The following PMS1 variants were observed in gnomAD, a reference collection of about 807,000 sequenced individuals.
The protein encoded by PMS1 is PMS1 protein homolog 1.
A neutral mutation model predicts 93.1 loss-of-function variants in PMS1; 79 were observed. The observed-to-expected ratio is 0.85, with a 90% CI of 0.71 to 1.02. The LOEUF (loss-of-function observed/expected upper bound fraction) is 1.02. PMS1 is among the 50% of genes least tolerant of loss of function. PMS1 has a pLI of 0.00. For synonymous variants in PMS1, 335 were observed against 363.4 expected (o/e 0.92, Z 0.89); for missense variants, 1,064 against 1,085.3 (o/e 0.98, Z 0.28).
At chr2:189,837,969 A>G (rs561626725) in intron 5 of PMS1, among the ~76,000 whole-genome samples, 43 of 152,288 alleles carry the variant, frequency 2.8e-4, no homozygotes, top group Middle Eastern at 3.4e-3. Context: ...TAAGTGGGCA[A>G]ATTTTATATA....
chr2:189,862,422 T>G (rs2056115626), intron 9 of PMS1, among the ~76,000 whole-genome samples: 1 of 152,190 alleles, frequency 6.6e-6, no homozygotes, highest in South Asian at 2.1e-4. Flanking sequence ...TTAAACCTGT[T>G]TTTAAGTGGT....
At chr2:189,855,211 C>T in intron 9 of PMS1, 83 bp downstream of exon 9, 1 of 1,166,288 alleles carries the variant, frequency 8.6e-7, no homozygotes, top group Non-Finnish European at 1.3e-6. Context: ...GAATTTTTTT[C>T]ACTTCTTATT....
At chr2:189,859,112 G>A (rs568038634) in intron 9 of PMS1, among the ~76,000 whole-genome samples, 1 of 152,242 alleles carries the variant, frequency 6.6e-6, no homozygotes, top group East Asian at 1.9e-4. Context: ...TTCTTAAAAA[G>A]TAATCTTTTA....
At chr2:189,862,153 A>G (rs1024241149) in intron 9 of PMS1, among the ~76,000 whole-genome samples, 7 of 152,088 alleles carry the variant, frequency 4.6e-5, no homozygotes, top group Admixed American at 2.0e-4. Context: ...GGTCACTGCA[A>G]TGCTTTTCCA....
At chr2:189,828,840 G>A (rs779815454) in intron 5 of PMS1, among the ~76,000 whole-genome samples, 10 of 147,392 alleles carry the variant, frequency 6.8e-5, no homozygotes, top group Non-Finnish European at 1.2e-4. Context: ...TCACTGATTG[G>A]TAAACAGTTT....
chr2:189,803,999 AAATT>A (rs2050119111), intron 3 of PMS1, among the ~76,000 whole-genome samples: 1 of 152,230 alleles, frequency 6.6e-6, no homozygotes, highest in African/African-American at 2.4e-5. Context: ...AAGGATGAGC[AAATT>A]AATATCTTGT....
rs5742964 is a variant in PMS1, at chr2:189,788,667, A to G, written c.-20-3123A>G. ...TTTTTAAAAGGTTAGTTTTAATAAT[A>G]TATTTTATGTAATCTAGTGTATCCA... On this transcript the variant is annotated intron_variant, in intron 1 of 12. Coordinates refer to ENST00000441310, the MANE Select transcript of PMS1 (RefSeq NM_000534.5). Among the ~76,000 whole-genome samples the G allele has an allele frequency of 8.4e-4, 128 of 152,226 alleles. 4 individuals carry two copies. In the South Asian group the frequency reaches 0.026, roughly 31 times the overall value.
At chr2:189,863,653 A>G in intron 9 of PMS1, 90 bp from the exon 10 acceptor site, 1 of 948,030 alleles carries the variant, frequency 1.1e-6, no homozygotes, top group Non-Finnish European at 1.7e-6. Context: ...TATCTGGAAC[A>G]CCAGTACTTT....
intron 11 of PMS1, among the ~76,000 whole-genome samples, chr2:189,872,386 T>A (rs1237471460): frequency 1.3e-5 from 2 of 152,146 alleles, no homozygotes; most frequent in Non-Finnish European, 2.9e-5. Flanking sequence ...TCTCTTTTTT[T>A]AAATTAATCC....
intron 6 of PMS1, among the ~76,000 whole-genome samples, chr2:189,847,261 CT>C (rs1459841133): frequency 6.6e-6 from 1 of 152,080 alleles, no homozygotes; most frequent in African/African-American, 2.4e-5. Context: ...TGATGTGGAT[CT>C]TTTGAATCTG....
intron 1 of PMS1, among the ~76,000 whole-genome samples, chr2:189,784,932 C>T (rs1218796418): frequency 6.6e-6 from 1 of 152,216 alleles, no homozygotes; most frequent in Non-Finnish European, 1.5e-5. Flanking sequence ...TATCCTGTGG[C>T]ATCATACAAG....
At chr2:189,799,881 T>A (rs1020491195) in intron 3 of PMS1, among the ~76,000 whole-genome samples, 1 of 152,204 alleles carries the variant, frequency 6.6e-6, no homozygotes. Flanking sequence ...TGCCCACTGG[T>A]GATCATCCCA....
chr2:189,857,464 C>CT (rs2106475801), intron 9 of PMS1: 1 of 469,464 alleles, frequency 2.1e-6, no homozygotes, highest in East Asian at 7.0e-5. Flanking sequence ...CTCTTCCTGT[C>CT]TTTATCTTGG....
rs187203264 is a variant in PMS1 at position 189,825,779 on chromosome 2, A to G, written c.582+7599A>G. ...TGAATTAAAGAATGTTTTCCTTCCT[A>G]TTCCCACTTCTATATCACATGAGCA... On this transcript the variant is annotated intron_variant, in intron 5 of 12. Coordinates refer to ENST00000441310, the MANE Select transcript of PMS1 (RefSeq NM_000534.5). 7.3e-4 allele frequency among the ~76,000 whole-genome samples: 111 copies of G among 152,304 alleles called. 1 individual carries two copies. The highest frequency in any genetic ancestry group is 2.1e-4 in the Non-Finnish European group (14 of 68,032).
intron 1 of PMS1, among the ~76,000 whole-genome samples, chr2:189,785,157 T>A (rs2048176043): frequency 6.6e-6 from 1 of 152,254 alleles, no homozygotes; most frequent in Non-Finnish European, 1.5e-5. Flanking sequence ...TGATTTTTAT[T>A]GCCGAAATAG....
At chr2:189,818,946 A>C (rs1214575644) in intron 5 of PMS1, among the ~76,000 whole-genome samples, 1 of 152,188 alleles carries the variant, frequency 6.6e-6, no homozygotes, top group Non-Finnish European at 1.5e-5. Context: ...TAATTTTGTT[A>C]CATGGATATG....
chr2:189,863,536 G>A (rs948952269), intron 9 of PMS1, among the ~76,000 whole-genome samples: 2 of 152,274 alleles, frequency 1.3e-5, no homozygotes, highest in Admixed American at 1.3e-4. Context: ...TTACAGGTGT[G>A]AACCACCACT....
chr2:189,796,094 C>G (rs571311967), intron 3 of PMS1, 143 bp downstream of exon 3: 2 of 692,912 alleles, frequency 2.9e-6, no homozygotes, highest in Non-Finnish European at 5.0e-6. Context: ...CGAGGTGGCT[C>G]ACGCCTGTAA....
At chr2:189,795,295 CA>C (rs1326605966) in intron 2 of PMS1, among the ~76,000 whole-genome samples, 9 of 141,366 alleles carry the variant, frequency 6.4e-5, no homozygotes, top group Non-Finnish European at 1.3e-4. Context: ...AATAAGAAAA[CA>C]AAAAACAAAA....
Sources: gnomAD v4.1 joint callset for allele counts (sites outside exome capture counted in the v4.1 genomes callset) on GRCh38, gnomAD v4.1.1 for gene constraint, MANE v1.5 for transcripts, NCBI Gene and HGNC (gene_info 2026-07-23, HGNC 2026-07-21) for gene names.